Variants in CPEB3 observed in about 807,000 individuals in gnomAD.
CPEB3 encodes cytoplasmic polyadenylation element binding protein 3, also known as cytoplasmic polyadenylation element-binding protein 3.
A neutral mutation model predicts 67.2 loss-of-function variants in CPEB3; 20 were observed. The ratio of observed to expected loss-of-function variants is 0.30; its 90% confidence interval spans 0.21 to 0.43. CPEB3 has a LOEUF of 0.43. Among genes scored for constraint, CPEB3 ranks in the 20% least tolerant of loss-of-function variants. The probability of loss-of-function intolerance (pLI) is 1.00; values close to 1 mark genes in which losing one functional copy is unlikely to be tolerated. For synonymous variants in CPEB3, 376 were observed against 393.1 expected, an observed-to-expected ratio of 0.96 and a Z score of 0.51; for missense variants, 746 against 968.6, an observed-to-expected ratio of 0.77 and a Z score of 3.05.
intron 7 of CPEB3, among the ~76,000 whole-genome samples, chr10:92,099,985 G>A (rs1350110632): frequency 6.6e-6 from 1 of 152,100 alleles, no homozygotes; most frequent in African/African-American, 2.4e-5. Context: ...GCAGCATAGT[G>A]AGACCCTGTC....
intron 9 of CPEB3, among the ~76,000 whole-genome samples, chr10:92,064,842 T>C (rs1282914411): frequency 6.6e-6 from 1 of 152,210 alleles, no homozygotes; most frequent in Non-Finnish European, 1.5e-5. Flanking sequence ...GAGCTCAATA[T>C]ACCGTGTGTT....
At chr10:92,248,704 G>A (rs1198979144) in intron 1 of CPEB3, among the ~76,000 whole-genome samples, 1 of 152,158 alleles carries the variant, frequency 6.6e-6, no homozygotes, top group Non-Finnish European at 1.5e-5. Flanking sequence ...CTTTTATGAT[G>A]TTCAGTAGTA....
chr10:92,255,114 C>G lies in CPEB3; in HGVS notation c.-11-14753G>C, dbSNP rs1852465712. ...CTCCCTTACAAACTTACCTGTATTC[C>G]CTTTCATATTCCCTTTCCTCCTTTC... On this transcript the variant is annotated intron_variant, in intron 1 of 9. Transcript: ENST00000265997. Among the ~76,000 whole-genome samples, 3 of 152,090 alleles carry G rather than the reference C, an allele frequency of 2.0e-5. No individual in the cohort carries two copies. The South Asian group carries it at 6.2e-4, about 32-fold the overall frequency.
chr10:92,060,585 A>C (rs1842303859), intron 9 of CPEB3, among the ~76,000 whole-genome samples: 1 of 152,192 alleles, frequency 6.6e-6, no homozygotes, highest in Non-Finnish European at 1.5e-5. Flanking sequence ...CAACCCACTG[A>C]ATGGGAGAAA....
At chr10:92,238,649 T>G (rs1851658642) in intron 2 of CPEB3, among the ~76,000 whole-genome samples, 1 of 152,076 alleles carries the variant, frequency 6.6e-6, no homozygotes, top group Non-Finnish European at 1.5e-5. Flanking sequence ...AAAATCCTTC[T>G]TCTAGGTAAC....
chr10:92,270,092 A>T (rs1460496903), intron 1 of CPEB3, among the ~76,000 whole-genome samples: 2 of 152,328 alleles, frequency 1.3e-5, no homozygotes, highest in South Asian at 4.1e-4. Flanking sequence ...TTCCTCAAAC[A>T]GTCACTGAGA....
chr10:92,246,339 CA>C (rs987927236), intron 1 of CPEB3, among the ~76,000 whole-genome samples: 35 of 114,806 alleles, frequency 3.0e-4, no homozygotes, highest in Admixed American at 6.8e-4. Flanking sequence ...GTCTCAAAAA[CA>C]AAAAAAAAAA....
At chr10:92,257,201 A>G (rs1852552633) in intron 1 of CPEB3, among the ~76,000 whole-genome samples, 1 of 152,218 alleles carries the variant, frequency 6.6e-6, no homozygotes, top group Non-Finnish European at 1.5e-5. Flanking sequence ...AGTTTTCACT[A>G]TTTTCCAAAC....
intron 2 of CPEB3, among the ~76,000 whole-genome samples, chr10:92,207,832 T>C (rs1849867185): frequency 1.3e-5 from 2 of 152,182 alleles, no homozygotes; most frequent in African/African-American, 4.8e-5. Flanking sequence ...ATCACACCAC[T>C]ACACTCCAGC....
At chr10:92,245,479 C>T (rs1276377263) in intron 1 of CPEB3, among the ~76,000 whole-genome samples, 2 of 152,004 alleles carry the variant, frequency 1.3e-5, no homozygotes, top group African/African-American at 4.8e-5. Flanking sequence ...CCTAAGTCTG[C>T]AAGAAAAGAA....
chr10:92,208,713 C>T (rs1849916788), intron 2 of CPEB3, among the ~76,000 whole-genome samples: 1 of 151,912 alleles, frequency 6.6e-6, no homozygotes, highest in African/African-American at 2.4e-5. Flanking sequence ...CATGCCTCAG[C>T]CTCCCAAGTA....
Position 92,180,991 on chromosome 10 carries a change from T to C in CPEB3, c.1194A>G (p.Pro398=). The C allele has an allele frequency of 6.6e-7, 1 of 1,522,006 alleles. No homozygotes were observed. The highest frequency in any genetic ancestry group is 9.1e-7 in the Non-Finnish European group (1 of 1,096,922). 94.3% of individuals were successfully genotyped at this position (1,522,006 alleles called of 1,614,324 possible). Residue 398 remains proline (P), a synonymous_variant, in exon 4 of 10, where the codon CCA becomes CCG. Transcript: ENST00000265997. ...AGRMGINFHH[P]GTDNIMALNN... is the part of the protein sequence containing the mutation. Reference sequence around the variant, plus strand: ...TAAGTGCCATAATATTATCTGTTCCTGGATGATGGAAATTTATCCCCATGC... The same window carrying C: ...TAAGTGCCATAATATTATCTGTTCCCGGATGATGGAAATTTATCCCCATGC...
intron 1 of CPEB3, among the ~76,000 whole-genome samples, chr10:92,250,658 A>G (rs1156644283): frequency 6.6e-6 from 1 of 151,766 alleles, no homozygotes; most frequent in African/African-American, 2.4e-5. Context: ...ATACATGTGT[A>G]CCTTTTTTAA....
At chr10:92,059,630 A>C (rs1337665967) in intron 9 of CPEB3, among the ~76,000 whole-genome samples, 1 of 152,166 alleles carries the variant, frequency 6.6e-6, no homozygotes, top group Non-Finnish European at 1.5e-5. Context: ...TCAGAGTAGA[A>C]ATAAAATGCA....
chr10:92,239,800 G>A lies in CPEB3; in HGVS notation c.551C>T (p.Ala184Val), dbSNP rs768807376. ...TGAGCGGCGCTGCTGCGGGGGCTGC[G>A]CCTGTGGTGGCTGCGCTGGCTGTGC... is the stretch of plus-strand genomic sequence containing the variant. Reference protein sequence around the residue: ...QPAQPAQPPQAQPPQQRRSPA... With the variant: ...QPAQPAQPPQVQPPQQRRSPA... The change falls in exon 2 of 10, where the codon GCG becomes GTG. Residue 184 changes from alanine (A) to valine (V), a missense_variant. By Grantham distance (64) the Ala-to-Val change is moderately conservative. Around this residue, in one of 2 missense-constraint regions of CPEB3, gnomAD observed 643 missense variants for 717.5 expected, o/e 0.90. Transcript: ENST00000265997. This position sits in a 1 kb window ranked among gnomAD's most constrained non-coding sequence, Gnocchi z 6.0. 3.4e-5 allele frequency: 48 copies of A among 1,417,922 alleles called. No individual in the cohort carries two copies. The highest frequency in any genetic ancestry group is 1.3e-4 in the Admixed American group (4 of 30,320). The allele number at this position is 1,417,922 out of a possible 1,614,324, so 87.8% of individuals were successfully genotyped here. A position where few individuals can be genotyped will look rare whatever the true frequency, so the allele number is the denominator to read the frequency against.
chr10:92,149,163 C>T (rs566747329), intron 4 of CPEB3, among the ~76,000 whole-genome samples: 2 of 152,252 alleles, frequency 1.3e-5, no homozygotes, highest in East Asian at 3.9e-4. Flanking sequence ...GGCCTCCCAA[C>T]ATGTTGGGAT....
At chr10:92,267,289 C>G (rs982217458) in intron 1 of CPEB3, among the ~76,000 whole-genome samples, 3 of 152,032 alleles carry the variant, frequency 2.0e-5, no homozygotes, top group Non-Finnish European at 4.4e-5. Context: ...GTTTTACAAC[C>G]CTTTAAAAAT....
At chr10:92,216,283 A>C (rs1022542909) in intron 2 of CPEB3, 13 of 1,523,758 alleles carry the variant, frequency 8.5e-6, no homozygotes, top group Non-Finnish European at 1.2e-5. Flanking sequence ...TAAAAACATA[A>C]AATTTGGCTG....
intron 4 of CPEB3, among the ~76,000 whole-genome samples, chr10:92,172,348 G>A (rs1848042877): frequency 6.6e-6 from 1 of 152,170 alleles, no homozygotes; most frequent in African/African-American, 2.4e-5. Context: ...GTATGTGTGT[G>A]GAGGGTAATG....
Sources: allele counts gnomAD v4.1 joint callset (sites outside exome capture counted in the v4.1 genomes callset), GRCh38; gene constraint gnomAD v4.1.1; regional missense constraint gnomAD v4.1.1; non-coding constraint Gnocchi (gnomAD v3.1); transcripts MANE v1.5; gene names NCBI Gene and HGNC (gene_info 2026-07-23, HGNC 2026-07-21).